GALNTL6: variants seen among roughly 807,000 people sequenced by gnomAD.
The protein encoded by GALNTL6 is polypeptide N-acetylgalactosaminyltransferase-like 6.
Under a neutral mutation model 73.7 loss-of-function variants are expected in GALNTL6, and 46 were observed. The ratio of observed to expected loss-of-function variants is 0.62; its 90% confidence interval spans 0.49 to 0.80. The LOEUF is 0.80. Ranked by LOEUF, GALNTL6 falls within the 30% of genes least tolerant of loss-of-function variation. GALNTL6 has a pLI of 0.00. For missense variants in GALNTL6, 604 were observed against 755.0 expected (o/e 0.80, Z 2.34); for synonymous variants, 259 against 263.7 (o/e 0.98, Z 0.17).
At chr4:172,301,528 A>T (rs1284748301) in intron 3 of GALNTL6, among the ~76,000 whole-genome samples, 2 of 152,002 alleles carry the variant, frequency 1.3e-5, no homozygotes, top group African/African-American at 4.8e-5. Flanking sequence ...GATGATGGTG[A>T]CGTACAGATG....
intron 2 of GALNTL6, among the ~76,000 whole-genome samples, chr4:171,816,620 A>G (rs2110794499): frequency 6.6e-6 from 1 of 152,186 alleles, no homozygotes. Flanking sequence ...ATAAGCCCCA[A>G]AATGAATGTC....
chr4:172,598,278 A>G (rs1737937381), intron 5 of GALNTL6, among the ~76,000 whole-genome samples: 2 of 152,170 alleles, frequency 1.3e-5, no homozygotes, highest in African/African-American at 4.8e-5. Flanking sequence ...TTGGAAAATC[A>G]AATAAGAGAA....
intron 3 of GALNTL6, among the ~76,000 whole-genome samples, chr4:172,247,978 ATTTC>A (rs944751151): frequency 6.6e-6 from 1 of 152,168 alleles, no homozygotes; most frequent in African/African-American, 2.4e-5. Flanking sequence ...AAGAAATGCT[ATTTC>A]TTTTTATGAA....
intron 5 of GALNTL6, among the ~76,000 whole-genome samples, chr4:172,561,050 G>C (rs1579190033): frequency 6.6e-6 from 1 of 151,444 alleles, no homozygotes; most frequent in East Asian, 1.9e-4. Context: ...TCAGGAGATC[G>C]AGACCATCCT....
intron 8 of GALNTL6, among the ~76,000 whole-genome samples, chr4:172,909,782 A>G (rs1277403196): frequency 1.3e-5 from 2 of 152,136 alleles, no homozygotes; most frequent in African/African-American, 2.4e-5. Flanking sequence ...TTCTATTTAC[A>G]TAAACCAAAG....
intron 5 of GALNTL6, among the ~76,000 whole-genome samples, chr4:172,431,688 A>G (rs993267843): frequency 2.3e-4 from 35 of 152,144 alleles, no homozygotes; most frequent in African/African-American, 8.4e-4. Context: ...GGAAGATTTC[A>G]TAACATAATT....
intron 4 of GALNTL6, among the ~76,000 whole-genome samples, chr4:172,317,318 T>C (rs1740594937): frequency 6.6e-6 from 1 of 152,244 alleles, no homozygotes; most frequent in Admixed American, 6.5e-5. Context: ...GCGTTTTGAA[T>C]GTTTATGTGC....
intron 10 of GALNTL6, among the ~76,000 whole-genome samples, chr4:172,953,619 C>T (rs115886441): frequency 0.015 from 2,298 of 152,242 alleles, 17 homozygotes; most frequent in South Asian, 0.029. Context: ...CTGTAGAAGA[C>T]GTGTTCAGCA....
At chr4:172,216,932 G>A (rs570874091) in intron 2 of GALNTL6, among the ~76,000 whole-genome samples, 2 of 152,174 alleles carry the variant, frequency 1.3e-5, no homozygotes, top group South Asian at 4.1e-4. Context: ...GTGGGGGAGG[G>A]GGGCTTCCAG....
intron 2 of GALNTL6, among the ~76,000 whole-genome samples, chr4:171,882,462 T>C (rs1736474647): frequency 1.3e-5 from 2 of 152,230 alleles, no homozygotes; most frequent in Admixed American, 6.5e-5. Context: ...AGTCCCATGA[T>C]AGGCAGTCTG....
rs80028631 is a variant in GALNTL6, at chr4:172,541,072, A to G, written c.553+192383A>G. Among the ~76,000 whole-genome samples the G allele has an allele frequency of 2.0e-4, 31 of 152,310 alleles. 1 individual carries two copies. The East Asian group carries it at 5.8e-3, about 28-fold the overall frequency. ...CTGTCAAAGAAAGATATTTTGGCCT[A>G]AAATATTTTGATGTCCTTCAGGGTC... On this transcript the variant is annotated intron_variant, in intron 5 of 12. Coordinates refer to ENST00000506823, the MANE Select transcript of GALNTL6 (RefSeq NM_001034845.3).
chr4:172,732,772 G>T (rs917483422), intron 5 of GALNTL6, among the ~76,000 whole-genome samples: 3 of 151,996 alleles, frequency 2.0e-5, no homozygotes, highest in Non-Finnish European at 4.4e-5. Flanking sequence ...TAAAGGGATG[G>T]TGACTTATCT....
intron 5 of GALNTL6, chr4:172,380,040 C>T (rs1255542654): frequency 2.7e-5 from 26 of 960,414 alleles, no homozygotes; most frequent in Admixed American, 1.1e-4. Context: ...AAATATTATT[C>T]ATGGCATATA....
intron 2 of GALNTL6, among the ~76,000 whole-genome samples, chr4:171,866,372 G>A (rs1164874902): frequency 6.6e-6 from 1 of 151,762 alleles, no homozygotes; most frequent in East Asian, 1.9e-4. Context: ...CAATATTACA[G>A]TGAAATATTA....
At chr4:172,602,747 T>C (rs886466054) in intron 5 of GALNTL6, among the ~76,000 whole-genome samples, 2 of 152,148 alleles carry the variant, frequency 1.3e-5, no homozygotes, top group East Asian at 3.9e-4. Context: ...ACCCAAGAAA[T>C]ATGAAAATGT....
At chr4:172,643,426 A>T (rs183822961) in intron 5 of GALNTL6, among the ~76,000 whole-genome samples, 1 of 151,992 alleles carries the variant, frequency 6.6e-6, no homozygotes, top group East Asian at 1.9e-4. Flanking sequence ...ATACAGACAT[A>T]AAAGTGTACA....
chr4:172,322,968 A>G (rs1377508476), intron 4 of GALNTL6, among the ~76,000 whole-genome samples: 2 of 152,198 alleles, frequency 1.3e-5, no homozygotes, highest in Non-Finnish European at 2.9e-5. Context: ...AGTAGAAAAA[A>G]TATTCTAAGA....
intron 8 of GALNTL6, among the ~76,000 whole-genome samples, chr4:172,885,205 T>C (rs1233578979): frequency 6.6e-6 from 1 of 152,168 alleles, no homozygotes; most frequent in Non-Finnish European, 1.5e-5. Flanking sequence ...ATTTAGATCA[T>C]TTCTGGTAGT....
intron 5 of GALNTL6, among the ~76,000 whole-genome samples, chr4:172,712,596 C>A (rs1734778633): frequency 6.6e-6 from 1 of 152,044 alleles, no homozygotes; most frequent in East Asian, 1.9e-4. Flanking sequence ...CTTTCACCAT[C>A]CTTCCTTCAT....
Sources: allele counts gnomAD v4.1 joint callset (sites outside exome capture counted in the v4.1 genomes callset), GRCh38; gene constraint gnomAD v4.1.1; transcripts MANE v1.5; gene names NCBI Gene and HGNC (gene_info 2026-07-23, HGNC 2026-07-21).